The following ANKRD30A variants were observed in gnomAD, a reference collection of about 807,000 sequenced individuals.
ANKRD30A encodes the protein ankyrin repeat domain 30A.
A neutral mutation model predicts 166.3 loss-of-function variants in ANKRD30A; 170 were observed. The ratio of observed to expected loss-of-function variants is 1.02; its 90% CI spans 0.90 to 1.16. The LOEUF (loss-of-function observed/expected upper bound fraction) is 1.16. Among genes scored for constraint, ANKRD30A ranks in the 50% most tolerant of loss-of-function variants. The probability of loss-of-function intolerance (pLI) is 0.00; values close to 1 mark genes in which losing one functional copy is unlikely to be tolerated. For synonymous variants in ANKRD30A, 564 were observed against 508.9 expected, an observed-to-expected ratio of 1.11 and a Z score of -1.46; for missense variants, 1,630 against 1,518.0, an observed-to-expected ratio of 1.07 and a Z score of -1.23.
chr10:37,150,633 T>A (rs1157921151), intron 11 of ANKRD30A, among the ~76,000 whole-genome samples: 1 of 152,128 alleles, frequency 6.6e-6, no homozygotes, highest in African/African-American at 2.4e-5. Context: ...CATTCTTTTT[T>A]GATCAGCATC....
At chr10:37,241,722 A>G in the ANKRD30A span, among the ~76,000 whole-genome samples, 5 of 152,312 alleles carry the variant, frequency 3.3e-5, no homozygotes, top group South Asian at 1.0e-3. Flanking sequence ...CATCAAATTT[A>G]TGTAATTTTA....
the ANKRD30A span, among the ~76,000 whole-genome samples, chr10:37,254,111 A>G: frequency 6.6e-6 from 1 of 152,242 alleles, no homozygotes; most frequent in Non-Finnish European, 1.5e-5. Context: ...TACTGTGAAT[A>G]ATGAAAAATG....
intron 8 of ANKRD30A, among the ~76,000 whole-genome samples, chr10:37,146,216 G>A (rs1837500983): frequency 6.6e-6 from 1 of 152,192 alleles, no homozygotes; most frequent in African/African-American, 2.4e-5. Context: ...ATAAATATAA[G>A]TTTTCCTTAC....
the ANKRD30A span, among the ~76,000 whole-genome samples, chr10:37,254,651 T>G: frequency 6.6e-6 from 1 of 151,780 alleles, no homozygotes; most frequent in South Asian, 2.1e-4. Context: ...TTTCTCCACT[T>G]TTCTGGTTGT....
intron 4 of ANKRD30A, among the ~76,000 whole-genome samples, chr10:37,132,869 A>G (rs936832101): frequency 2.6e-5 from 4 of 152,134 alleles, no homozygotes; most frequent in African/African-American, 9.7e-5. Flanking sequence ...ATGATGGCAC[A>G]TGCCTGTAGT....
At chr10:37,247,282 A>G in the ANKRD30A span, among the ~76,000 whole-genome samples, 2 of 152,172 alleles carry the variant, frequency 1.3e-5, no homozygotes, top group Non-Finnish European at 2.9e-5. Flanking sequence ...TGGCTCAGGT[A>G]ACGGTGGTGT....
At chr10:37,236,291 A>T (rs1843672334), downstream of ANKRD30A, among the ~76,000 whole-genome samples, 1 of 152,118 alleles carries the variant, frequency 6.6e-6, no homozygotes, top group Non-Finnish European at 1.5e-5. Flanking sequence ...TTTATTGCTG[A>T]CTCATGACAA....
intron 7 of ANKRD30A, 111 bp from the exon 8 acceptor site, chr10:37,144,884 G>A: frequency 2.7e-6 from 2 of 736,078 alleles, no homozygotes; most frequent in South Asian, 3.9e-5. Context: ...AGAATATACA[G>A]GCTATAGAAG....
intron 13 of ANKRD30A, among the ~76,000 whole-genome samples, chr10:37,154,796 T>G (rs1172378472): frequency 6.6e-6 from 1 of 152,140 alleles, no homozygotes; most frequent in Non-Finnish European, 1.5e-5. Flanking sequence ...AGAAAAGTTT[T>G]ACTGCAGAAT....
Position 37,231,478 on chromosome 10 carries a change from C to CAGT in ANKRD30A, c.*11_*13dup. On this transcript the variant is annotated 3_prime_UTR_variant, in exon 35 of 36. Coordinates refer to ENST00000361713, the MANE Select transcript of ANKRD30A (RefSeq NM_052997.3). The stretch of plus-strand genomic sequence containing the variant: ...CTTCACAGAACTCATGAGAGACAAG[C>CAGT]AGTAAGAAACTTCTTTTGGAGAAAC... 6.3e-7 allele frequency: 1 copy of CAGT among 1,583,830 alleles called. No homozygotes were observed.
chr10:37,162,702 T>C (rs748676675), intron 16 of ANKRD30A, 25 bp downstream of exon 16: 1 of 1,613,074 alleles, frequency 6.2e-7, no homozygotes, highest in Non-Finnish European at 8.5e-7. Context: ...GATTTCATTT[T>C]GAATGACTTA....
intron 31 of ANKRD30A, 100 bp downstream of exon 31, chr10:37,201,425 A>G (rs1160473568): frequency 2.1e-5 from 18 of 855,898 alleles, no homozygotes; most frequent in Non-Finnish European, 3.0e-5. Context: ...TACCTCCTAA[A>G]TGCAAACCAT....
At chr10:37,237,579 GTATAATT>G in the ANKRD30A span, among the ~76,000 whole-genome samples, 4 of 151,818 alleles carry the variant, frequency 2.6e-5, no homozygotes, top group Admixed American at 6.6e-5. Context: ...TTTCTCCCAT[GTATAATT>G]TTCTCACCTT....
chr10:37,151,639 G>A (rs17605833), intron 11 of ANKRD30A, among the ~76,000 whole-genome samples: 2 of 152,026 alleles, frequency 1.3e-5, no homozygotes, highest in Non-Finnish European at 2.9e-5. Context: ...AATCATCTTT[G>A]TGGAAGAACT....
At chr10:37,230,789 C>T (rs1843380904) in intron 34 of ANKRD30A, among the ~76,000 whole-genome samples, 1 of 151,948 alleles carries the variant, frequency 6.6e-6, no homozygotes, top group Non-Finnish European at 1.5e-5. Flanking sequence ...ATTAATAATA[C>T]AGAGATTAAG....
intron 34 of ANKRD30A, among the ~76,000 whole-genome samples, chr10:37,221,317 C>G (rs990315740): frequency 6.6e-6 from 1 of 150,972 alleles, no homozygotes; most frequent in Non-Finnish European, 1.5e-5. Flanking sequence ...ACAAACATGT[C>G]TTGTCAGGTC....
intron 31 of ANKRD30A, among the ~76,000 whole-genome samples, chr10:37,213,736 T>G (rs188081612): frequency 8.4e-4 from 128 of 151,750 alleles, no homozygotes; most frequent in African/African-American, 3.0e-3. Context: ...TAATTTTCCT[T>G]TTTATTATTT....
chr10:37,179,040 A>ATATATG (rs1554820572), intron 24 of ANKRD30A, among the ~76,000 whole-genome samples: 105 of 123,556 alleles, frequency 8.5e-4, no homozygotes, highest in African/African-American at 2.8e-3. Flanking sequence ...ATATATATAT[A>ATATATG]TATATATATA....
chr10:37,200,436 A>T (rs184346200), intron 30 of ANKRD30A, among the ~76,000 whole-genome samples: 29 of 152,174 alleles, frequency 1.9e-4, no homozygotes, highest in African/African-American at 6.7e-4. Flanking sequence ...ATGAGCGTCA[A>T]ATAATAGTGA....
Sources: allele counts gnomAD v4.1 joint callset (sites outside exome capture counted in the v4.1 genomes callset), GRCh38; gene constraint gnomAD v4.1.1; transcripts MANE v1.5; gene names NCBI Gene and HGNC (gene_info 2026-07-23, HGNC 2026-07-21).